The following CTIF variants were observed in gnomAD, a reference collection of about 807,000 sequenced individuals.
CTIF encodes CBP80/20-dependent translation initiation factor.
CTIF carries 21 observed loss-of-function variants against 66.0 expected under a neutral mutation model. That is an observed-to-expected ratio of 0.32 (90% confidence interval 0.23 to 0.46). CTIF has a LOEUF of 0.46. Among genes scored for constraint, CTIF ranks in the 20% least tolerant of loss-of-function variants. CTIF has a pLI of 1.00. For missense variants in CTIF, 739 were observed against 812.7 expected (o/e 0.91, Z 1.10); for synonymous variants, 345 against 326.4 (o/e 1.06, Z -0.62).
chr18:48,861,493 G>A lies in CTIF; in HGVS notation c.*1934G>A, dbSNP rs2069466159. On this transcript the variant is annotated 3_prime_UTR_variant, in exon 12 of 12. Transcript: ENST00000256413. ...AGCCGGGCTGATGCGGGGCTGCTCA[G>A]GGCAGGCCCCAGGGCGAGCTTGCCA... The A allele has an allele frequency of 1.3e-5, 2 of 152,366 alleles. No homozygotes were observed. Among genetic ancestry groups the A allele is most frequent in the Admixed American group, 1.3e-4 (2 of 15,294 alleles). 9.4% of individuals were successfully genotyped at this position (152,366 alleles called of 1,614,324 possible). A position where few individuals can be genotyped will look rare whatever the true frequency, so the allele number is the denominator to read the frequency against.
intron 7 of CTIF, among the ~76,000 whole-genome samples, chr18:48,725,534 C>T (rs977478521): frequency 6.6e-6 from 1 of 152,136 alleles, no homozygotes; most frequent in South Asian, 2.1e-4. Flanking sequence ...CCCACCACCC[C>T]CTTAGGGTGA....
chr18:48,683,547 G>A (rs961923775), intron 6 of CTIF, among the ~76,000 whole-genome samples: 8 of 151,768 alleles, frequency 5.3e-5, no homozygotes, highest in Admixed American at 4.6e-4. Context: ...GCTCCTGAAG[G>A]AAAGAGCTCT....
chr18:48,859,999 A>C lies in CTIF; in HGVS notation c.*440A>C, dbSNP rs553937528. 4.8e-5 allele frequency: 22 copies of C among 458,342 alleles called. No individual in the cohort carries two copies. The highest frequency in any genetic ancestry group is 9.2e-5 in the Non-Finnish European group (21 of 228,498). 28.4% of individuals were successfully genotyped at this position (458,342 alleles called of 1,614,324 possible). ...AAAAGTGGGTCGGAGACGGGCTCGC[A>C]TTGTTCCCGCATGCTGTCAGCCGCA... On this transcript the variant is annotated 3_prime_UTR_variant, in exon 12 of 12. Transcript: ENST00000256413.
intron 7 of CTIF, among the ~76,000 whole-genome samples, chr18:48,745,750 T>A (rs1458371090): frequency 6.6e-6 from 1 of 152,218 alleles, no homozygotes; most frequent in Non-Finnish European, 1.5e-5. Flanking sequence ...GTCCCTTGTA[T>A]TTTGGAAGGT....
At chr18:48,575,870 G>A (rs1333595832) in intron 1 of CTIF, among the ~76,000 whole-genome samples, 1 of 152,272 alleles carries the variant, frequency 6.6e-6, no homozygotes, top group Admixed American at 6.5e-5. Context: ...GTTGGAGTAA[G>A]GGCTTTTGCC....
chr18:48,639,612 T>A (rs1272755792), intron 3 of CTIF, among the ~76,000 whole-genome samples: 1 of 152,208 alleles, frequency 6.6e-6, no homozygotes, highest in Admixed American at 6.5e-5. Flanking sequence ...GGTTCAGTGA[T>A]GACAGGCTTT....
intron 1 of CTIF, chr18:48,566,339 C>A (rs1272560236): frequency 3.3e-5 from 5 of 152,272 alleles, no homozygotes; most frequent in African/African-American, 1.2e-4. Flanking sequence ...CAGGCCCTGC[C>A]CTCATGGAGC....
chr18:48,760,996 A>G, intron 8 of CTIF: 1 of 164,214 alleles, frequency 6.1e-6, no homozygotes, highest in Admixed American at 6.0e-5. Context: ...TGCCTTCCTG[A>G]CCAAGTCTTC....
At chr18:48,847,369 G>T (rs930220116) in intron 10 of CTIF, among the ~76,000 whole-genome samples, 1 of 151,864 alleles carries the variant, frequency 6.6e-6, no homozygotes, top group Non-Finnish European at 1.5e-5. Flanking sequence ...GCTAATGTGG[G>T]AAATTAATAT....
intron 7 of CTIF, among the ~76,000 whole-genome samples, chr18:48,743,903 A>G (rs2092574595): frequency 6.6e-6 from 1 of 152,230 alleles, no homozygotes; most frequent in African/African-American, 2.4e-5. Flanking sequence ...CCCAGTTTTC[A>G]TGAAGGTAAA....
intron 7 of CTIF, among the ~76,000 whole-genome samples, chr18:48,756,525 T>C (rs902455168): frequency 6.6e-6 from 1 of 152,232 alleles, no homozygotes; most frequent in Non-Finnish European, 1.5e-5. Flanking sequence ...GTACCCAAGA[T>C]AGGTCACGGA....
chr18:48,763,587 G>A (rs189708716), intron 9 of CTIF, among the ~76,000 whole-genome samples: 1 of 152,374 alleles, frequency 6.6e-6, no homozygotes, highest in East Asian at 1.9e-4. Flanking sequence ...TTAGTGTGCT[G>A]AGAGACAGTT....
intron 10 of CTIF, among the ~76,000 whole-genome samples, chr18:48,851,137 TG>T (rs1271547572): frequency 6.6e-6 from 1 of 152,204 alleles, no homozygotes; most frequent in Non-Finnish European, 1.5e-5. Flanking sequence ...CTTAGGGCCC[TG>T]GGCAGTCTGT....
intron 3 of CTIF, among the ~76,000 whole-genome samples, chr18:48,644,657 C>T (rs1017970190): frequency 6.6e-6 from 1 of 152,210 alleles, no homozygotes; most frequent in Non-Finnish European, 1.5e-5. Context: ...TTGCTGTATA[C>T]ATTCTGAGCC....
intron 9 of CTIF, among the ~76,000 whole-genome samples, chr18:48,786,499 T>A (rs922746863): frequency 1.3e-5 from 2 of 152,160 alleles, no homozygotes; most frequent in Non-Finnish European, 2.9e-5. Context: ...TGGGGTGACG[T>A]TAGAGTTGTT....
At chr18:48,626,099 G>C (rs1459033245) in intron 2 of CTIF, among the ~76,000 whole-genome samples, 2 of 147,102 alleles carry the variant, frequency 1.4e-5, no homozygotes, top group Admixed American at 1.4e-4. Flanking sequence ...CCCACCGCAG[G>C]TTCAAGCAAC....
intron 7 of CTIF, among the ~76,000 whole-genome samples, chr18:48,739,003 G>A (rs2092530040): frequency 6.6e-6 from 1 of 152,158 alleles, no homozygotes; most frequent in Non-Finnish European, 1.5e-5. Context: ...AGACACCCCA[G>A]GAAGTCTTAG....
chr18:48,579,718 G>C (rs192388921), intron 1 of CTIF, among the ~76,000 whole-genome samples: 316 of 152,218 alleles, frequency 2.1e-3, no homozygotes, highest in Non-Finnish European at 3.4e-3. Flanking sequence ...GGATCTTGGT[G>C]TACCCAGGTC....
At chr18:48,741,813 T>G (rs2092557230) in intron 7 of CTIF, among the ~76,000 whole-genome samples, 1 of 152,084 alleles carries the variant, frequency 6.6e-6, no homozygotes, top group Admixed American at 6.5e-5. Context: ...TCTGCTGTCC[T>G]CTCGTCATCT....
Sources: allele counts gnomAD v4.1 joint callset (sites outside exome capture counted in the v4.1 genomes callset), GRCh38; gene constraint gnomAD v4.1.1; transcripts MANE v1.5; gene names NCBI Gene and HGNC (gene_info 2026-07-23, HGNC 2026-07-21).